Variants in FANCA observed in about 807,000 individuals in gnomAD.
FANCA encodes the protein FA complementation group A.
Under a neutral mutation model 194.3 loss-of-function variants are expected in FANCA, and 236 were observed. That is an observed-to-expected ratio of 1.21 (90% CI 1.09 to 1.35). FANCA has a LOEUF of 1.35. FANCA is among the 40% of genes most tolerant of loss of function. FANCA has a pLI of 0.00. For synonymous variants in FANCA, 1,014 were observed against 715.8 expected (o/e 1.42, Z -6.65); for missense variants, 2,628 against 1,813.9 (o/e 1.45, Z -8.15).
intron 6 of FANCA, among the ~76,000 whole-genome samples, chr16:89,807,329 C>T (rs909524254): frequency 3.3e-5 from 5 of 151,892 alleles, no homozygotes; most frequent in African/African-American, 2.4e-5. Context: ...TGGTGGCACG[C>T]GCCTGTAGTC....
At chr16:89,816,151 GC>G in intron 1 of FANCA, 165 bp from the exon 2 acceptor site, 1 of 674,208 alleles carries the variant, frequency 1.5e-6, no homozygotes, top group Non-Finnish European at 2.7e-6. Context: ...AACGGAGACG[GC>G]CCCACCGCGG....
intron 30 of FANCA, 147 bp downstream of exon 30, chr16:89,758,430 G>A (rs957755992): frequency 2.2e-5 from 19 of 879,938 alleles, no homozygotes; most frequent in African/African-American, 1.8e-4. Flanking sequence ...TGTTGCCAAA[G>A]GAGACTGACA....
chr16:89,805,230 C>G, intron 7 of FANCA, 50 bp downstream of exon 7: 2 of 1,421,850 alleles, frequency 1.4e-6, no homozygotes, highest in Non-Finnish European at 2.0e-6. Context: ...GGCATTATCA[C>G]AGATCAAAAT....
chr16:89,794,913 A>C (rs2040192375), intron 11 of FANCA, among the ~76,000 whole-genome samples: 1 of 152,198 alleles, frequency 6.6e-6, no homozygotes, highest in Non-Finnish European at 1.5e-5. Context: ...GGTAGCCAGC[A>C]GAAAGATAAC....
intron 21 of FANCA, 85 bp downstream of exon 21, chr16:89,775,657 C>T (rs1001164853): frequency 1.3e-5 from 15 of 1,145,284 alleles, no homozygotes; most frequent in African/African-American, 7.7e-5. Flanking sequence ...CGAGCTCACT[C>T]GGGTGGTGTA....
At chr16:89,784,794 C>A in intron 15 of FANCA, 60 bp downstream of exon 15, 1 of 1,350,834 alleles carries the variant, frequency 7.4e-7, no homozygotes, top group Admixed American at 1.7e-5. Flanking sequence ...CAAGGCAGTC[C>A]TCAGATGCAG....
At chr16:89,746,529 G>A (rs1304995303) in intron 35 of FANCA, 55 bp downstream of exon 35, 17 of 1,382,460 alleles carry the variant, frequency 1.2e-5, no homozygotes, top group Non-Finnish European at 1.7e-5. Flanking sequence ...AGAGGCAGCT[G>A]TGGAGTCTCC....
chr16:89,796,305 G>C (rs1487756149), intron 10 of FANCA, among the ~76,000 whole-genome samples: 1 of 152,162 alleles, frequency 6.6e-6, no homozygotes, highest in Non-Finnish European at 1.5e-5. Context: ...GGAGCAGAAG[G>C]AAACAGGTTG....
intron 11 of FANCA, chr16:89,792,765 T>A: frequency 8.1e-6 from 4 of 494,226 alleles, no homozygotes; most frequent in Non-Finnish European, 1.5e-5. Flanking sequence ...GCCCTGAATG[T>A]CTGGTTGTGC....
chr16:89,743,318 G>C (rs2062178295), intron 36 of FANCA, among the ~76,000 whole-genome samples: 1 of 152,238 alleles, frequency 6.6e-6, no homozygotes, highest in Non-Finnish European at 1.5e-5. Flanking sequence ...AGAGAACAAA[G>C]GACTGCCTGG....
rs746735743 is a variant in FANCA, at chr16:89,761,979, G to C, written c.2822C>G (p.Pro941Arg). ...DWLHLELEIQ[P>R]EADALSDTER... The stretch of plus-strand genomic sequence containing the variant: ...AGTATCTGAAAGAGCATCAGCTTCA[G>C]GTTGAATTTCCAGCTCCAGGTGTAA... Residue 941 changes from proline to arginine, a missense_variant, in exon 29 of 43, where the codon CCT becomes CGT. Transcript: ENST00000389301. 1 of 1,614,054 alleles carries C rather than the reference G, an allele frequency of 6.2e-7. No individual in the cohort carries two copies. Among genetic ancestry groups the C allele is most frequent in the South Asian group, 1.1e-5 (1 of 91,084 alleles).
intron 21 of FANCA, among the ~76,000 whole-genome samples, 156 bp from the exon 22 acceptor site, chr16:89,773,540 G>T (rs189314139): frequency 7.0e-4 from 106 of 152,206 alleles, no homozygotes; most frequent in Admixed American, 4.3e-3. Context: ...AGGTAAATGA[G>T]GTGTCTTCCC....
chr16:89,816,271 G>C, intron 1 of FANCA: 1 of 276,498 alleles, frequency 3.6e-6, no homozygotes, highest in Non-Finnish European at 6.8e-6. Flanking sequence ...CCCCAGGCCC[G>C]CCTGACAGGG....
intron 28 of FANCA, chr16:89,762,740 T>C (rs767972423): frequency 3.3e-5 from 15 of 451,564 alleles, no homozygotes; most frequent in Non-Finnish European, 6.2e-5. Flanking sequence ...TCCAGAATTC[T>C]CCCCCTCAGC....
intron 35 of FANCA, among the ~76,000 whole-genome samples, chr16:89,745,313 G>T (rs111861123): frequency 2.0e-5 from 3 of 151,730 alleles, no homozygotes; most frequent in Admixed American, 6.6e-5. Flanking sequence ...CTGGCCTAAC[G>T]CAACAGTGAA....
chr16:89,740,176 C>A, intron 38 of FANCA, 77 bp from the exon 39 acceptor site: 3 of 1,095,884 alleles, frequency 2.7e-6, no homozygotes, highest in East Asian at 2.4e-5. Context: ...GCCCTCAGCA[C>A]AGAAGAGGGC....
chr16:89,805,238 A>G, intron 7 of FANCA, 42 bp downstream of exon 7: 1 of 1,482,694 alleles, frequency 6.7e-7, no homozygotes, highest in Non-Finnish European at 9.4e-7. Context: ...CACAGATCAA[A>G]ATGAGTTTTA....
chr16:89,786,909 C>T (rs2039917090), intron 14 of FANCA, among the ~76,000 whole-genome samples: 1 of 152,210 alleles, frequency 6.6e-6, no homozygotes, highest in South Asian at 2.1e-4. Flanking sequence ...TCTTATCACC[C>T]TCCATTCAGC....
At chr16:89,783,753 G>A (rs1451139466) in intron 15 of FANCA, among the ~76,000 whole-genome samples, 1 of 152,046 alleles carries the variant, frequency 6.6e-6, no homozygotes, top group Non-Finnish European at 1.5e-5. Flanking sequence ...AAAGGGGACA[G>A]AGGGGACACA....
Sources: gnomAD v4.1 joint callset for allele counts (sites outside exome capture counted in the v4.1 genomes callset) on GRCh38, gnomAD v4.1.1 for gene constraint, MANE v1.5 for transcripts, NCBI Gene and HGNC (gene_info 2026-07-23, HGNC 2026-07-21) for gene names.